The following CTIF variants were observed in gnomAD, a reference collection of about 807,000 sequenced individuals.
CTIF encodes cap binding complex dependent translation initiation factor, also known as CBP80/20-dependent translation initiation factor.
CTIF carries 21 observed loss-of-function variants against 66.0 expected under a neutral mutation model. The observed-to-expected ratio is 0.32, with a 90% CI of 0.23 to 0.46. CTIF has a LOEUF of 0.46. CTIF is among the 20% of genes least tolerant of loss of function. The pLI, the probability that CTIF is intolerant of heterozygous loss-of-function variation, is 1.00. For synonymous variants in CTIF, 345 were observed against 326.4 expected (o/e 1.06, Z -0.62); for missense variants, 739 against 812.7 (o/e 0.91, Z 1.10).
At chr18:48,576,844 G>GTGGTTT (rs1468565383) in intron 1 of CTIF, among the ~76,000 whole-genome samples, 4 of 152,246 alleles carry the variant, frequency 2.6e-5, no homozygotes, top group African/African-American at 9.6e-5. Context: ...TGTCTTTTGT[G>GTGGTTT]TGGTTTTGGT....
chr18:48,599,327 AG>A (rs2090047901), intron 1 of CTIF, among the ~76,000 whole-genome samples: 2 of 151,608 alleles, frequency 1.3e-5, no homozygotes, highest in Non-Finnish European at 2.9e-5. Flanking sequence ...TTCCTCTTAA[AG>A]GTTTTTTTTT....
At chr18:48,652,159 C>T (rs1243632951) in intron 3 of CTIF, among the ~76,000 whole-genome samples, 13 of 151,994 alleles carry the variant, frequency 8.6e-5, no homozygotes, top group Admixed American at 3.9e-4. Context: ...GAGATAGAGA[C>T]GCAAAAAACC....
chr18:48,544,727 C>A (rs2088704266), intron 1 of CTIF, among the ~76,000 whole-genome samples: 1 of 152,136 alleles, frequency 6.6e-6, no homozygotes, highest in South Asian at 2.1e-4. Context: ...GGTTAGGGGG[C>A]AACTAGGTGC....
At chr18:48,601,973 G>A (rs1019132896) in intron 1 of CTIF, among the ~76,000 whole-genome samples, 2 of 152,202 alleles carry the variant, frequency 1.3e-5, no homozygotes, top group East Asian at 1.9e-4. Context: ...TTTCACTGAT[G>A]CTAGGAGGCA....
intron 10 of CTIF, among the ~76,000 whole-genome samples, chr18:48,843,416 C>T (rs527346120): frequency 2.1e-4 from 32 of 152,222 alleles, no homozygotes; most frequent in Non-Finnish European, 2.5e-4. Flanking sequence ...GCTCAGGTGC[C>T]GCCTGCGAGC....
At chr18:48,600,011 T>A (rs2090062012) in intron 1 of CTIF, among the ~76,000 whole-genome samples, 1 of 152,138 alleles carries the variant, frequency 6.6e-6, no homozygotes. Flanking sequence ...AAGGGACAAC[T>A]CACCTAGCTG....
chr18:48,780,605 C>T (rs1251771501), intron 9 of CTIF, among the ~76,000 whole-genome samples: 5 of 152,224 alleles, frequency 3.3e-5, no homozygotes, highest in Admixed American at 3.3e-4. Context: ...GCACTGTGGA[C>T]ACTGGGTTCT....
At chr18:48,551,985 G>C (rs907226314) in intron 1 of CTIF, among the ~76,000 whole-genome samples, 1 of 152,072 alleles carries the variant, frequency 6.6e-6, no homozygotes, top group Non-Finnish European at 1.5e-5. Flanking sequence ...TGTATTTTTA[G>C]TAGAGACGGG....
intron 7 of CTIF, among the ~76,000 whole-genome samples, chr18:48,724,751 A>G (rs1194771932): frequency 6.6e-6 from 1 of 152,220 alleles, no homozygotes; most frequent in Non-Finnish European, 1.5e-5. Flanking sequence ...GCCGGAGAGC[A>G]TCCAGCACAC....
At chr18:48,581,844 G>A (rs1005551872) in intron 1 of CTIF, among the ~76,000 whole-genome samples, 1 of 152,162 alleles carries the variant, frequency 6.6e-6, no homozygotes, top group Non-Finnish European at 1.5e-5. Context: ...TCTCCACAAG[G>A]AAAAGTGTGA....
In CTIF at chr18:48,711,615, A is replaced by T. The variant is rs754797467; in HGVS notation, c.508-4A>T. The T allele has an allele frequency of 9.4e-5, 152 of 1,613,410 alleles. No individual in the cohort carries two copies. The highest frequency in any genetic ancestry group is 1.3e-4 in the Non-Finnish European group (148 of 1,179,640). ...TGATCCCCCTTCCTCCCCCCATGAC[A>T]CAGGGCTACCACCCGATGCCCCATG... On this transcript the variant is annotated splice_polypyrimidine_tract_variant and splice_region_variant and intron_variant, in intron 6 of 11. Coordinates refer to ENST00000256413, the MANE Select transcript of CTIF (RefSeq NM_014772.3).
At chr18:48,838,082 A>C (rs1234869070) in intron 10 of CTIF, among the ~76,000 whole-genome samples, 1 of 149,952 alleles carries the variant, frequency 6.7e-6, no homozygotes, top group African/African-American at 2.4e-5. Flanking sequence ...TTTTTTTTCT[A>C]CTTTCCCCCA....
At chr18:48,740,455 C>T (rs2092544151) in intron 7 of CTIF, among the ~76,000 whole-genome samples, 1 of 152,260 alleles carries the variant, frequency 6.6e-6, no homozygotes, top group Non-Finnish European at 1.5e-5. Flanking sequence ...CCTCCGTACT[C>T]TCTGACCATG....
intron 2 of CTIF, among the ~76,000 whole-genome samples, chr18:48,625,752 C>T (rs184192686): frequency 7.9e-5 from 12 of 152,288 alleles, no homozygotes; most frequent in Admixed American, 7.8e-4. Flanking sequence ...TAACCATTTG[C>T]TTAATGGTAG....
intron 10 of CTIF, among the ~76,000 whole-genome samples, chr18:48,839,358 T>G (rs546004485): frequency 3.9e-5 from 6 of 152,230 alleles, no homozygotes; most frequent in South Asian, 2.1e-4. Context: ...GAGCCTCCTC[T>G]CCTGACCCAG....
At chr18:48,686,623 T>G (rs2091844758) in intron 6 of CTIF, among the ~76,000 whole-genome samples, 1 of 152,196 alleles carries the variant, frequency 6.6e-6, no homozygotes, top group African/African-American at 2.4e-5. Flanking sequence ...GAAATAAACT[T>G]TGAATCTTTT....
rs184847359 is a variant in CTIF, at chr18:48,749,757, G to A, written c.585-8162G>A. On this transcript the variant is annotated intron_variant, in intron 7 of 11. Coordinates refer to ENST00000256413, the MANE Select transcript of CTIF (RefSeq NM_014772.3). The stretch of plus-strand genomic sequence containing the variant: ...TGCCCAAAGTTGCACAGCTAAAAGT[G>A]TAGCGTCAGGATTTGAACTCTGGGG... Among the ~76,000 whole-genome samples the A allele has an allele frequency of 2.2e-4, 33 of 152,332 alleles. No homozygotes were observed. The South Asian group carries it at 6.2e-3, about 29-fold the overall frequency.
At chr18:48,597,206 T>A (rs575713494) in intron 1 of CTIF, among the ~76,000 whole-genome samples, 55 of 152,216 alleles carry the variant, frequency 3.6e-4, no homozygotes, top group African/African-American at 1.2e-3. Flanking sequence ...CTACCTTGCA[T>A]GAGGCAGCAG....
intron 5 of CTIF, among the ~76,000 whole-genome samples, chr18:48,666,189 C>T (rs2091432560): frequency 6.6e-6 from 1 of 151,304 alleles, no homozygotes; most frequent in South Asian, 2.1e-4. Context: ...TTCCTTCCAG[C>T]CCTCCCCTGC....
Sources: gnomAD v4.1 joint callset for allele counts (sites outside exome capture counted in the v4.1 genomes callset) on GRCh38, gnomAD v4.1.1 for gene constraint, MANE v1.5 for transcripts, NCBI Gene and HGNC (gene_info 2026-07-23, HGNC 2026-07-21) for gene names.